Variants in AK5 observed in about 807,000 individuals in gnomAD.
AK5 encodes the protein adenylate kinase isoenzyme 5.
Under a neutral mutation model 69.5 loss-of-function variants are expected in AK5, and 27 were observed. The ratio of observed to expected loss-of-function variants is 0.39; its 90% CI spans 0.29 to 0.54. The LOEUF (loss-of-function observed/expected upper bound fraction) is 0.54. AK5 is among the 20% of genes least tolerant of loss of function. AK5 has a pLI of 0.71. For missense variants in AK5, 531 were observed against 700.4 expected (o/e 0.76, Z 2.73); for synonymous variants, 260 against 244.4 (o/e 1.06, Z -0.60).
intron 6 of AK5, among the ~76,000 whole-genome samples, chr1:77,395,910 C>T (rs149757433): frequency 6.6e-6 from 1 of 152,280 alleles, no homozygotes; most frequent in East Asian, 1.9e-4. Flanking sequence ...CCTCTATCAG[C>T]CCAACTCAAC....
intron 6 of AK5, among the ~76,000 whole-genome samples, chr1:77,347,515 A>T (rs1259336714): frequency 6.6e-6 from 1 of 152,172 alleles, no homozygotes; most frequent in Non-Finnish European, 1.5e-5. Context: ...TTACATACCT[A>T]TCTGTAATTT....
At chr1:77,287,190 A>G (rs755377990) in intron 2 of AK5, 63 bp downstream of exon 2, 7 of 1,197,260 alleles carry the variant, frequency 5.8e-6, no homozygotes, top group East Asian at 2.7e-5. Flanking sequence ...AAAACATGCC[A>G]TATAGACTAT....
chr1:77,516,981 G>A (rs1390277575), intron 10 of AK5, among the ~76,000 whole-genome samples: 1 of 150,884 alleles, frequency 6.6e-6, no homozygotes, highest in Non-Finnish European at 1.5e-5. Context: ...TGAGGCAGGA[G>A]AATCACTTGA....
chr1:77,287,067 G>C lies in AK5; in HGVS notation c.187G>C (p.Glu63Gln), dbSNP rs769776893. ...KVKWDTFVSQ[E>Q]KKTLPPLNGG... Reference sequence around the variant, plus strand: ...GAAATGGGATACATTTGTAAGCCAGGAAAAGAAGACCTTACCTCCACTAAA... The same window carrying C: ...GAAATGGGATACATTTGTAAGCCAGCAAAAGAAGACCTTACCTCCACTAAA... The change falls in exon 2 of 14, where the codon GAA becomes CAA. Residue 63 changes from glutamate to glutamine, a missense_variant. By Grantham distance (29) the Glu-to-Gln change is conservative. Coordinates refer to ENST00000354567, the MANE Select transcript of AK5 (RefSeq NM_174858.3). 6.2e-7 allele frequency: 1 copy of C among 1,609,380 alleles called. No homozygotes were observed. Among genetic ancestry groups the C allele is most frequent in the Non-Finnish European group, 8.5e-7 (1 of 1,177,642 alleles).
intron 12 of AK5, among the ~76,000 whole-genome samples, chr1:77,535,526 A>G (rs1024162573): frequency 2.0e-5 from 3 of 152,014 alleles, no homozygotes; most frequent in South Asian, 4.2e-4. Context: ...TAGAGGAAAC[A>G]CCCCCTCACA....
rs552895075 is a variant in AK5 at position 77,296,152 on chromosome 1, T to C, written c.416-1407T>C. ...ATTGTACCTGAACCTTACAAATTTG[T>C]ATTAGTTCCAACCTAAAAATGTGAG... On this transcript the variant is annotated intron_variant, in intron 3 of 13. Coordinates refer to ENST00000354567, the MANE Select transcript of AK5 (RefSeq NM_174858.3). Among the ~76,000 whole-genome samples, 15 of 152,294 alleles carry C rather than the reference T, an allele frequency of 9.8e-5. No homozygotes were observed. The East Asian group carries it at 2.9e-3, about 29-fold the overall frequency.
At chr1:77,434,490 A>G (rs12031867) in intron 8 of AK5, among the ~76,000 whole-genome samples, 7,197 of 152,264 alleles carry the variant, frequency 0.047, 259 homozygotes, top group East Asian at 0.15. Flanking sequence ...ACTTGACCCT[A>G]GGGAAAACTT....
intron 5 of AK5, among the ~76,000 whole-genome samples, chr1:77,326,214 T>G (rs1660796245): frequency 6.6e-6 from 1 of 152,286 alleles, no homozygotes; most frequent in African/African-American, 2.4e-5. Flanking sequence ...ACCTAATGAA[T>G]AGAGTGCAAT....
At chr1:77,422,308 T>C (rs1002326433) in intron 8 of AK5, among the ~76,000 whole-genome samples, 1 of 152,160 alleles carries the variant, frequency 6.6e-6, no homozygotes, top group Admixed American at 6.5e-5. Context: ...CCCATCAAAT[T>C]ATCTTCCTGA....
intron 12 of AK5, among the ~76,000 whole-genome samples, chr1:77,531,273 A>G (rs1658564365): frequency 6.6e-6 from 1 of 152,154 alleles, no homozygotes; most frequent in Non-Finnish European, 1.5e-5. Flanking sequence ...GATTTACCGC[A>G]AAGAGCAAAA....
intron 6 of AK5, among the ~76,000 whole-genome samples, chr1:77,381,208 A>T (rs1342831793): frequency 1.3e-5 from 2 of 152,168 alleles, no homozygotes; most frequent in Non-Finnish European, 2.9e-5. Flanking sequence ...GGTAATACCC[A>T]GATGGCTCAC....
intron 10 of AK5, among the ~76,000 whole-genome samples, chr1:77,495,845 AG>A (rs80329265): frequency 6.6e-6 from 1 of 151,940 alleles, no homozygotes; most frequent in African/African-American, 2.4e-5. Flanking sequence ...ATAGACTTAA[AG>A]GGGGGTGCTT....
intron 13 of AK5, 125 bp from the exon 14 acceptor site, chr1:77,558,477 T>TGG (rs10700476): frequency 0.5 from 255,120 of 505,846 alleles, 48,065 homozygotes; most frequent in Admixed American, 0.61. Context: ...CTCTGTGTTT[T>TGG]GGGGGGGGTC....
intron 6 of AK5, among the ~76,000 whole-genome samples, chr1:77,393,264 T>C (rs1222389362): frequency 6.6e-6 from 1 of 152,202 alleles, no homozygotes; most frequent in Non-Finnish European, 1.5e-5. Flanking sequence ...TGTCAGGGCA[T>C]AATTTTTGTA....
intron 8 of AK5, among the ~76,000 whole-genome samples, chr1:77,470,842 TA>T (rs1654418882): frequency 9.5e-4 from 1 of 1,052 alleles, no homozygotes; most frequent in African/African-American, 1.9e-3. Flanking sequence ...TATATATATA[TA>T]TATATATATA....
chr1:77,483,423 A>G, intron 9 of AK5, 64 bp downstream of exon 9: 8 of 1,251,772 alleles, frequency 6.4e-6, no homozygotes, highest in Non-Finnish European at 9.4e-6. Flanking sequence ...TGCCTTTTTA[A>G]TTAAACATCA....
chr1:77,455,214 G>A (rs189004876), intron 8 of AK5, among the ~76,000 whole-genome samples: 7 of 152,308 alleles, frequency 4.6e-5, no homozygotes, highest in African/African-American at 1.4e-4. Flanking sequence ...CTTCAAAACT[G>A]CTGTAATCTG....
At chr1:77,527,720 G>A (rs986491305) in intron 12 of AK5, among the ~76,000 whole-genome samples, 3 of 152,190 alleles carry the variant, frequency 2.0e-5, no homozygotes, top group Non-Finnish European at 2.9e-5. Context: ...TTAAGCAGGT[G>A]TGCAAGAGAA....
intron 8 of AK5, among the ~76,000 whole-genome samples, chr1:77,445,593 T>C (rs1024590883): frequency 1.3e-5 from 2 of 152,196 alleles, no homozygotes; most frequent in African/African-American, 4.8e-5. Context: ...CTTTCATACT[T>C]TATTTTTTTG....
Sources: gnomAD v4.1 joint callset for allele counts (sites outside exome capture counted in the v4.1 genomes callset) on GRCh38, gnomAD v4.1.1 for gene constraint, MANE v1.5 for transcripts, NCBI Gene and HGNC (gene_info 2026-07-23, HGNC 2026-07-21) for gene names.